Variants in MEGF6 observed in about 807,000 individuals in gnomAD.
MEGF6 encodes multiple EGF like domains 6.
In MEGF6, 184 loss-of-function variants were observed where a neutral mutation model predicts 207.1. That is an observed-to-expected ratio of 0.89 (90% CI 0.79 to 1.00). The LOEUF (loss-of-function observed/expected upper bound fraction) is 1.00, where lower values mean the gene tolerates loss of function less well. MEGF6 is among the 50% of genes least tolerant of loss of function. MEGF6 has a pLI of 0.00. For synonymous variants in MEGF6, 1,038 were observed against 910.0 expected, an observed-to-expected ratio of 1.14 and a Z score of -2.53; for missense variants, 2,282 against 2,202.9, an observed-to-expected ratio of 1.04 and a Z score of -0.72.
At chr1:3,496,965 G>T in intron 28 of MEGF6, 23 bp downstream of exon 28, 1 of 1,546,818 alleles carries the variant, frequency 6.5e-7, no homozygotes, top group South Asian at 1.2e-5. Flanking sequence ...CCGAGTCCCT[G>T]GGTGGGCACG....
intron 5 of MEGF6, among the ~76,000 whole-genome samples, chr1:3,518,267 C>T (rs528066090): frequency 7.2e-5 from 11 of 152,104 alleles, no homozygotes; most frequent in Admixed American, 2.0e-4. Context: ...ATTATGGCAG[C>T]CAGAGCTGCC....
Position 3,494,365 on chromosome 1 carries a change from A to G in MEGF6, c.4129+6T>C, listed in dbSNP as rs1640507702. 1 of 1,539,418 alleles carries G rather than the reference A, an allele frequency of 6.5e-7. No individual in the cohort carries two copies. Among genetic ancestry groups the G allele is most frequent in the African/African-American group, 1.4e-5 (1 of 73,012 alleles). ...CCCAGCCCAGCTGCACAGGCCCCCA[A>G]CTCACGGTGCTCGCAGGCCTGGCCA... On this transcript the variant is annotated splice_donor_region_variant and intron_variant, in intron 32 of 36. Coordinates refer to ENST00000356575, the MANE Select transcript of MEGF6 (RefSeq NM_001409.4).
At position 3,494,070 on chromosome 1, in the gene MEGF6, T is replaced by C. The variant is rs747118727; in HGVS notation, c.4184A>G (p.His1395Arg). The C allele has an allele frequency of 6.9e-6, 11 of 1,604,106 alleles. No homozygotes were observed. The highest frequency in any genetic ancestry group is 3.4e-4 in the Middle Eastern group (2 of 5,856). ...AGCQGLCWCQHGAPCDPISGR... is the reference protein window; with the variant it reads ...AGCQGLCWCQRGAPCDPISGR... ...ACTGATGGGGTCGCAGGGGGCTCCA[T>C]GTTGACACCAGCACAACCCCTGGCA... is the stretch of plus-strand genomic sequence containing the variant. The change falls in exon 33 of 37, where the codon CAT (histidine) becomes CGT (arginine). Residue 1395 changes from histidine (H) to arginine (R), a missense_variant. His to Arg is a conservative substitution (Grantham distance 29, BLOSUM62 0). Coordinates refer to ENST00000356575, the MANE Select transcript of MEGF6 (RefSeq NM_001409.4).
chr1:3,531,231 C>T (rs1242649079), intron 4 of MEGF6: 57 of 1,467,892 alleles, frequency 3.9e-5, no homozygotes, highest in Non-Finnish European at 4.9e-5. Flanking sequence ...GCCCGCGGTC[C>T]CGGGACGCCC....
intron 19 of MEGF6, 32 bp downstream of exon 19, chr1:3,501,145 C>A (rs1252951189): frequency 6.2e-7 from 1 of 1,612,432 alleles, no homozygotes; most frequent in African/African-American, 1.3e-5. Context: ...TACCCCAGGT[C>A]AAAGGCTCAG....
upstream of MEGF6, among the ~76,000 whole-genome samples, chr1:3,611,725 CT>C (rs1460495663): frequency 1.8e-5 from 1 of 54,092 alleles, no homozygotes; most frequent in Non-Finnish European, 6.9e-5. Flanking sequence ...AGCCCCGCCC[CT>C]AGCCCCCTCC....
chr1:3,533,667 C>T (rs747449646), intron 4 of MEGF6, among the ~76,000 whole-genome samples: 2 of 152,144 alleles, frequency 1.3e-5, no homozygotes, highest in African/African-American at 2.4e-5. Flanking sequence ...GGTGCACGAC[C>T]GGCCACCCTG....
At position 3,492,670 on chromosome 1, in the gene MEGF6, C is replaced by T; in HGVS notation, c.4485G>A (p.Val1495=). ...GGCACGTGGGCCCCATGTAGCCATC[C>T]ACACAGTGACACTGCCCACTGACAG... ...CDPVSGQCHC[V]DGYMGPTCRE... is the part of the protein sequence containing the mutation. Residue 1495 remains valine, a synonymous_variant, in exon 35 of 37, where the codon GTG becomes GTA. Transcript: ENST00000356575. 1 of 1,612,614 alleles carries T rather than the reference C, an allele frequency of 6.2e-7. No individual in the cohort carries two copies. Among genetic ancestry groups the T allele is most frequent in the East Asian group, 2.2e-5 (1 of 44,880 alleles).
rs569639714 is a variant in MEGF6, at chr1:3,496,011, C to T, written c.3750G>A (p.Pro1250=). The change falls in exon 30 of 37, where the codon CCG becomes CCA. Residue 1250 remains proline, a synonymous_variant. Coordinates refer to ENST00000356575, the MANE Select transcript of MEGF6 (RefSeq NM_001409.4). Reference sequence around the variant, plus strand: ...TGCAGTTGGGGCCGAAGCGGCCCTGCGGACAGGCTGCCGGGGAGGAAGTGG... The same window carrying T: ...TGCAGTTGGGGCCGAAGCGGCCCTGTGGACAGGCTGCCGGGGAGGAAGTGG... ...FLGTDCNLTC[P]QGRFGPNCTH... is the part of the protein sequence containing the mutation. 75 of 1,526,856 alleles carry T rather than the reference C, an allele frequency of 4.9e-5. No homozygotes were observed. The highest frequency in any genetic ancestry group is 2.6e-4 in the South Asian group (21 of 80,612). The allele number at this position is 1,526,856 out of a possible 1,614,324, so 94.6% of individuals were successfully genotyped here. A position where few individuals can be genotyped will look rare whatever the true frequency, so the allele number is the denominator to read the frequency against.
chr1:3,517,120 A>G (rs957393652), intron 5 of MEGF6, among the ~76,000 whole-genome samples: 7 of 152,072 alleles, frequency 4.6e-5, no homozygotes, highest in Non-Finnish European at 8.8e-5. Flanking sequence ...TATTGTGTTC[A>G]CCGCAGCAAC....
intron 3 of MEGF6, among the ~76,000 whole-genome samples, chr1:3,587,876 C>G (rs76788106): frequency 6.0e-3 from 31 of 5,146 alleles, no homozygotes; most frequent in Middle Eastern, 0.12. Context: ...ACAGGAGTGG[C>G]CAGGAGTGGC....
intron 4 of MEGF6, among the ~76,000 whole-genome samples, chr1:3,576,266 AAC>A (rs1643639243): frequency 6.6e-6 from 1 of 152,206 alleles, no homozygotes; most frequent in Non-Finnish European, 1.5e-5. Flanking sequence ...GCCTCAGGGA[AAC>A]ACTGCTGCAA....
At chr1:3,548,523 G>A (rs1642788037) in intron 4 of MEGF6, among the ~76,000 whole-genome samples, 1 of 152,258 alleles carries the variant, frequency 6.6e-6, no homozygotes, top group African/African-American at 2.4e-5. Flanking sequence ...AGGGGTCAGA[G>A]CCAAGGTGCC....
At chr1:3,562,019 T>C (rs1016570425) in intron 4 of MEGF6, among the ~76,000 whole-genome samples, 9 of 152,186 alleles carry the variant, frequency 5.9e-5, no homozygotes, top group African/African-American at 2.2e-4. Context: ...GCGGTGCTGG[T>C]GGGAGGCCAG....
At chr1:3,498,214 AG>A (rs1201287987) in intron 26 of MEGF6, among the ~76,000 whole-genome samples, 156 bp downstream of exon 26, 2 of 152,150 alleles carry the variant, frequency 1.3e-5, no homozygotes, top group African/African-American at 4.8e-5. Flanking sequence ...CCCTCCCAAC[AG>A]GGTCTTAGTG....
rs894174441 is a variant in MEGF6, at chr1:3,488,147, T to A, written c.*2381A>T. ...TCTTGCTGCTTGAAACTATATAATA[T>A]ATGGTCAGGAGTTTGTTTTTCCGTC... On this transcript the variant is annotated 3_prime_UTR_variant, in exon 37 of 37. Coordinates refer to ENST00000356575, the MANE Select transcript of MEGF6 (RefSeq NM_001409.4). 2.0e-5 allele frequency among the ~76,000 whole-genome samples: 3 copies of A among 152,192 alleles called. No individual in the cohort carries two copies. The highest frequency in any genetic ancestry group is 4.4e-5 in the Non-Finnish European group (3 of 68,038).
intron 2 of MEGF6, 141 bp downstream of exon 2, chr1:3,602,325 C>T: frequency 3.1e-6 from 4 of 1,293,636 alleles, no homozygotes; most frequent in Non-Finnish European, 4.2e-6. Context: ...GCCTCATGCT[C>T]AGATGAGGGC....
In MEGF6 at chr1:3,604,118, G is replaced by A. The variant is rs926695134; in HGVS notation, c.132-1518C>T. Among the ~76,000 whole-genome samples the A allele has an allele frequency of 7.2e-5, 11 of 152,226 alleles. No individual in the cohort carries two copies. The East Asian group carries it at 9.6e-4, about 13-fold the overall frequency. On this transcript the variant is annotated intron_variant, in intron 1 of 36. Coordinates refer to ENST00000356575, the MANE Select transcript of MEGF6 (RefSeq NM_001409.4). ...GCTGCCCACCCACGAAGGGGCAGAC[G>A]AAGGCTGGGACCAGAGTCCAGCTCC...
intron 12 of MEGF6, 85 bp downstream of exon 12, chr1:3,508,988 CCT>C (rs2101026027): frequency 7.2e-7 from 1 of 1,389,888 alleles, no homozygotes; most frequent in African/African-American, 1.5e-5. Context: ...ACGTCCCCAG[CCT>C]CTGATTGGAT....
Sources: allele counts gnomAD v4.1 joint callset (sites outside exome capture counted in the v4.1 genomes callset), GRCh38; gene constraint gnomAD v4.1.1; transcripts MANE v1.5; gene names NCBI Gene and HGNC (gene_info 2026-07-23, HGNC 2026-07-21).